The following RBFOX1 variants were observed in gnomAD, a reference collection of about 807,000 sequenced individuals.
The protein encoded by RBFOX1 is RNA binding fox-1 homolog 1.
A neutral mutation model predicts 57.7 loss-of-function variants in RBFOX1; 8 were observed. That is an observed-to-expected ratio of 0.14 (90% confidence interval 0.08 to 0.25). The LOEUF is 0.25. Among genes scored for constraint, RBFOX1 ranks in the 10% least tolerant of loss-of-function variants. The pLI, the probability that RBFOX1 is intolerant of heterozygous loss-of-function variation, is 1.00. For synonymous variants in RBFOX1, 326 were observed against 222.4 expected (o/e 1.47, Z -4.15); for missense variants, 611 against 548.5 (o/e 1.11, Z -1.14).
intron 1 of RBFOX1, among the ~76,000 whole-genome samples, chr16:6,131,931 C>A (rs924708795): frequency 3.9e-5 from 6 of 152,188 alleles, no homozygotes; most frequent in African/African-American, 1.4e-4. Flanking sequence ...GCACGTCTGG[C>A]GGATAATGAC....
chr16:5,831,728 C>G (rs1193182646), intron 3 of RBFOX1, among the ~76,000 whole-genome samples: 4 of 152,036 alleles, frequency 2.6e-5, no homozygotes, highest in African/African-American at 9.7e-5. Context: ...AGCCACTGCA[C>G]CTAGCCTAAA....
intron 3 of RBFOX1, among the ~76,000 whole-genome samples, chr16:6,856,170 C>T (rs891842035): frequency 4.0e-5 from 6 of 150,956 alleles, no homozygotes; most frequent in African/African-American, 1.5e-4. Context: ...GCTTCCTTTC[C>T]TTCCCTTCTT....
At chr16:6,536,714 C>G (rs1200776206) in intron 2 of RBFOX1, among the ~76,000 whole-genome samples, 1 of 151,962 alleles carries the variant, frequency 6.6e-6, no homozygotes, top group Non-Finnish European at 1.5e-5. Context: ...GTCTTAGACC[C>G]AACAAGTCAA....
chr16:5,670,582 T>A (rs562011319), intron 3 of RBFOX1, among the ~76,000 whole-genome samples: 1 of 152,228 alleles, frequency 6.6e-6, no homozygotes, highest in East Asian at 1.9e-4. Flanking sequence ...GTCCTGGGTT[T>A]CTGTAAAAGA....
At chr16:6,368,930 C>G (rs1238890317) in intron 2 of RBFOX1, among the ~76,000 whole-genome samples, 3 of 152,114 alleles carry the variant, frequency 2.0e-5, no homozygotes, top group Non-Finnish European at 4.4e-5. Context: ...GAAAAATAAA[C>G]CAGGACGAAT....
chr16:6,747,039 C>G (rs925067300), intron 3 of RBFOX1, among the ~76,000 whole-genome samples: 69 of 152,126 alleles, frequency 4.5e-4, no homozygotes, highest in African/African-American at 1.6e-3. Context: ...CTACAGAAGT[C>G]CTAGCAGACC....
At chr16:6,423,823 G>T (rs1330008034) in intron 2 of RBFOX1, among the ~76,000 whole-genome samples, 1 of 152,096 alleles carries the variant, frequency 6.6e-6, no homozygotes, top group African/African-American at 2.4e-5. Context: ...AATCAGAACA[G>T]AAGAGAAATG....
At chr16:6,930,782 G>C (rs79982654) in intron 3 of RBFOX1, among the ~76,000 whole-genome samples, 2,898 of 152,172 alleles carry the variant, frequency 0.019, 94 homozygotes, top group African/African-American at 0.067. Flanking sequence ...CCCTCAGAGA[G>C]CTATACAGTT....
At chr16:5,539,398 G>A (rs1005778411) in intron 2 of RBFOX1, among the ~76,000 whole-genome samples, 1 of 152,052 alleles carries the variant, frequency 6.6e-6, no homozygotes, top group Admixed American at 6.6e-5. Flanking sequence ...TTGGAGACCA[G>A]CCTGGCCAAC....
chr16:5,719,907 C>G (rs897603326), intron 3 of RBFOX1, among the ~76,000 whole-genome samples: 2 of 152,126 alleles, frequency 1.3e-5, no homozygotes, highest in African/African-American at 2.4e-5. Flanking sequence ...TGACTTCTCT[C>G]GAAAGTATAT....
chr16:5,289,654 G>A (rs1247678529), intron 1 of RBFOX1, among the ~76,000 whole-genome samples: 2 of 152,178 alleles, frequency 1.3e-5, no homozygotes, highest in Non-Finnish European at 1.5e-5. Context: ...CACATTTAGT[G>A]TGGACCCTGA....
At chr16:7,064,572 A>G (rs749940674) in intron 4 of RBFOX1, among the ~76,000 whole-genome samples, 4 of 152,098 alleles carry the variant, frequency 2.6e-5, no homozygotes, top group Non-Finnish European at 4.4e-5. Context: ...AAGGAGGATG[A>G]TCTGAGAAGA....
chr16:7,015,181 TGTG>T (rs1349716706), intron 3 of RBFOX1, among the ~76,000 whole-genome samples: 3 of 152,148 alleles, frequency 2.0e-5, no homozygotes, highest in Non-Finnish European at 2.9e-5. Context: ...CTGGATTTGT[TGTG>T]GTGACAGCAG....
intron 3 of RBFOX1, among the ~76,000 whole-genome samples, chr16:6,943,469 G>A (rs756648520): frequency 6.6e-6 from 1 of 152,150 alleles, no homozygotes; most frequent in African/African-American, 2.4e-5. Flanking sequence ...AGTACTTTGG[G>A]AGTCTGAGGC....
Position 7,650,944 on chromosome 16 carries a change from C to T in RBFOX1, c.758-2871C>T, listed in dbSNP as rs555508666. The stretch of plus-strand genomic sequence containing the variant: ...GATATTAGGATTTACTCGTGTTCCC[C>T]ATTAAGACCCCACACGTCTCTGCGG... On this transcript the variant is annotated intron_variant, in intron 11 of 15. Transcript: ENST00000550418. Among the ~76,000 whole-genome samples the T allele has an allele frequency of 5.9e-5, 9 of 152,264 alleles. No homozygotes were observed. In the South Asian group the frequency reaches 1.9e-3, roughly 32 times the overall value.
intron 2 of RBFOX1, among the ~76,000 whole-genome samples, chr16:6,532,101 C>G (rs1395120397): frequency 6.6e-6 from 1 of 152,118 alleles, no homozygotes; most frequent in Non-Finnish European, 1.5e-5. Context: ...AAGAGCACAT[C>G]CCATTGGCCA....
intron 2 of RBFOX1, among the ~76,000 whole-genome samples, chr16:6,419,658 G>C (rs906390592): frequency 6.6e-6 from 1 of 152,136 alleles, no homozygotes; most frequent in African/African-American, 2.4e-5. Flanking sequence ...GGGCCCACCT[G>C]TACATCTGGG....
At chr16:7,014,552 G>A (rs1382302623) in intron 3 of RBFOX1, among the ~76,000 whole-genome samples, 1 of 152,002 alleles carries the variant, frequency 6.6e-6, no homozygotes, top group Admixed American at 6.6e-5. Context: ...AATTACAGGA[G>A]TGAGACACTG....
At chr16:6,043,655 C>T (rs2095465974) in intron 1 of RBFOX1, among the ~76,000 whole-genome samples, 2 of 152,030 alleles carry the variant, frequency 1.3e-5, no homozygotes. Context: ...GGAGTCTGTT[C>T]AGTCAGTTGA....
Sources: allele counts gnomAD v4.1 joint callset (sites outside exome capture counted in the v4.1 genomes callset), GRCh38; gene constraint gnomAD v4.1.1; transcripts MANE v1.5; gene names NCBI Gene and HGNC (gene_info 2026-07-23, HGNC 2026-07-21).